Variants in DNAH10 observed in about 807,000 individuals in gnomAD.
DNAH10 encodes the protein dynein axonemal heavy chain 10.
DNAH10 carries 348 observed loss-of-function variants against 506.6 expected under a neutral mutation model. The observed-to-expected ratio is 0.69, with a 90% CI of 0.63 to 0.75. The LOEUF (loss-of-function observed/expected upper bound fraction) is 0.75. Among genes scored for constraint, DNAH10 ranks in the 30% least tolerant of loss-of-function variants. The probability of loss-of-function intolerance (pLI) is 0.00; values close to 1 mark genes in which losing one functional copy is unlikely to be tolerated. For synonymous variants in DNAH10, 2,059 were observed against 2,198.6 expected (o/e 0.94, Z 1.78); for missense variants, 5,179 against 5,787.1 (o/e 0.89, Z 3.41).
At chr12:123,823,018 A>T (rs1457098252) in intron 24 of DNAH10, among the ~76,000 whole-genome samples, 1 of 152,214 alleles carries the variant, frequency 6.6e-6, no homozygotes, top group East Asian at 1.9e-4. Flanking sequence ...TGAACAAATA[A>T]CCACGCCCCC....
At position 123,830,572 on chromosome 12, in the gene DNAH10, C is replaced by A. The variant is rs767067597; in HGVS notation, c.4418C>A (p.Thr1473Lys). ...CATTGGAAAGAACTTATGGAAAAAA[C>A]GTCTGTCTTTTTTGAAATGACCGAA... The part of the protein sequence containing the change: ...DRHWKELMEK[T>K]SVFFEMTETF... The change falls in exon 26 of 79, where the codon ACG becomes AAG. Residue 1473 changes from threonine (T) to lysine (K), a missense_variant. Thr to Lys is a moderately conservative substitution (Grantham distance 78). Transcript: ENST00000673944. 4.8e-5 allele frequency: 77 copies of A among 1,613,126 alleles called. No individual in the cohort carries two copies. Among genetic ancestry groups the A allele is most frequent in the Non-Finnish European group, 6.4e-5 (75 of 1,179,624 alleles).
Position 123,844,523 on chromosome 12 carries a change from A to C in DNAH10, c.5361-1077A>C, listed in dbSNP as rs183423138. Among the ~76,000 whole-genome samples, 516 of 152,318 alleles carry C rather than the reference A, an allele frequency of 3.4e-3. 4 individuals are homozygous for C. The highest frequency in any genetic ancestry group is 0.01 in the Middle Eastern group (3 of 294). ...ACGACTCAGCAGGATCTGTACATTA[A>C]GGGAGGATGAGATGTTTTGTTTCAC... On this transcript the variant is annotated intron_variant, in intron 30 of 78. Coordinates refer to ENST00000673944, the MANE Select transcript of DNAH10 (RefSeq NM_001372106.1).
chr12:123,916,341 G>A lies in DNAH10; in HGVS notation c.10723-116G>A, dbSNP rs1282957743. On this transcript the variant is annotated intron_variant, in intron 62 of 78. Coordinates refer to ENST00000673944, the MANE Select transcript of DNAH10 (RefSeq NM_001372106.1). The surrounding 1 kb of genome is among the most constrained non-coding windows in gnomAD (Gnocchi z 4.6). Reference sequence around the variant, plus strand: ...TTGCTTCTCTCTTCTTTTCACCTCTGGCCCCCTCCAAGTTCCTGGCCCATC... The same window carrying A: ...TTGCTTCTCTCTTCTTTTCACCTCTAGCCCCCTCCAAGTTCCTGGCCCATC... 7.5e-7 allele frequency: 1 copy of A among 1,334,110 alleles called. No individual in the cohort carries two copies. Among genetic ancestry groups the A allele is most frequent in the Non-Finnish European group, 1.0e-6 (1 of 973,954 alleles). 82.6% of individuals were successfully genotyped at this position (1,334,110 alleles called of 1,614,324 possible).
chr12:123,807,214 T>G (rs1196076315), intron 18 of DNAH10, among the ~76,000 whole-genome samples: 1 of 151,800 alleles, frequency 6.6e-6, no homozygotes, highest in East Asian at 1.9e-4. Flanking sequence ...CATCCATCCA[T>G]CCATCCATCC....
rs751234534 is a variant in DNAH10, at chr12:123,892,746, G to A, written c.8996-487G>A. Among the ~76,000 whole-genome samples, 6 of 152,206 alleles carry A rather than the reference G, an allele frequency of 3.9e-5. No homozygotes were observed. The South Asian group carries it at 6.2e-4, about 16-fold the overall frequency. On this transcript the variant is annotated intron_variant, in intron 52 of 78. Coordinates refer to ENST00000673944, the MANE Select transcript of DNAH10 (RefSeq NM_001372106.1). ...CACGTAGCCAGGGTTTCTCGACTGC[G>A]TGCCGTTGACATTTGGGGCTGGGCT...
chr12:123,882,307 A>T (rs988336793), intron 51 of DNAH10: 1 of 152,662 alleles, frequency 6.6e-6, no homozygotes, highest in African/African-American at 2.4e-5. Flanking sequence ...TGGGGCTGGC[A>T]ATTTGCTGGC....
intron 66 of DNAH10, 132 bp downstream of exon 66, chr12:123,923,999 C>A: frequency 1.3e-6 from 1 of 762,052 alleles, no homozygotes; most frequent in Non-Finnish European, 2.1e-6. Flanking sequence ...CTGCATTTTT[C>A]ACTATTCCAG....
intron 39 of DNAH10, among the ~76,000 whole-genome samples, chr12:123,863,910 T>C (rs961213605): frequency 3.9e-5 from 6 of 152,186 alleles, no homozygotes; most frequent in Admixed American, 1.3e-4. Context: ...TAGCAATTGA[T>C]ACTCAGCCTC....
At chr12:123,802,000 A>G (rs541374972) in intron 16 of DNAH10, among the ~76,000 whole-genome samples, 4 of 152,360 alleles carry the variant, frequency 2.6e-5, no homozygotes, top group African/African-American at 9.6e-5. Context: ...GAGATAACAC[A>G]TAGCCCTTTT....
chr12:123,779,604 G>GGGGA (rs1555214368), intron 5 of DNAH10, among the ~76,000 whole-genome samples: 3 of 149,594 alleles, frequency 2.0e-5, no homozygotes, highest in South Asian at 2.1e-4. Context: ...TGGGGGTGGG[G>GGGGA]GAGAGAGAGA....
intron 37 of DNAH10, among the ~76,000 whole-genome samples, chr12:123,857,463 C>G (rs1951441093): frequency 6.6e-6 from 1 of 152,244 alleles, no homozygotes; most frequent in Admixed American, 6.5e-5. Context: ...GGCACAGTGG[C>G]TTACGCCTGT....
chr12:123,774,668 T>G (rs1340481534), intron 5 of DNAH10, among the ~76,000 whole-genome samples: 5 of 152,260 alleles, frequency 3.3e-5, no homozygotes, highest in Non-Finnish European at 7.3e-5. Flanking sequence ...CAGGAGCATG[T>G]CCTTAAGGCA....
At chr12:123,876,828 T>C (rs1952275421) in intron 47 of DNAH10, among the ~76,000 whole-genome samples, 2 of 151,686 alleles carry the variant, frequency 1.3e-5, no homozygotes, top group Non-Finnish European at 2.9e-5. Context: ...CCAGGTATGA[T>C]GGTGTCCTGT....
chr12:123,841,696 T>C (rs974124748), intron 30 of DNAH10, among the ~76,000 whole-genome samples, 151 bp downstream of exon 30: 2 of 152,160 alleles, frequency 1.3e-5, no homozygotes, highest in Non-Finnish European at 2.9e-5. Flanking sequence ...TGTCTTTATT[T>C]TTATTTTTTT....
At chr12:123,895,910 C>T (rs533891644) in intron 54 of DNAH10, among the ~76,000 whole-genome samples, 4 of 151,884 alleles carry the variant, frequency 2.6e-5, no homozygotes, top group East Asian at 1.9e-4. Flanking sequence ...CCCAGGAGTT[C>T]GAGACCAGCC....
rs776262945 is a variant in DNAH10 at position 123,935,348 on chromosome 12, C to T, written c.13637C>T (p.Thr4546Ile). The T allele has an allele frequency of 6.2e-7, 1 of 1,605,022 alleles. No individual in the cohort carries two copies. Among genetic ancestry groups the T allele is most frequent in the Non-Finnish European group, 8.5e-7 (1 of 1,172,180 alleles). Residue 4546 changes from threonine (T) to isoleucine (I), a missense_variant, in exon 79 of 79, where the codon ACC (threonine) becomes ATC (isoleucine). Thr to Ile is a moderately conservative substitution (Grantham distance 89). Around this residue, in one of 3 missense-constraint regions of DNAH10, gnomAD observed 4,844 missense variants for 5,430.5 expected, o/e 0.89. Transcript: ENST00000673944. ...HRLKLQNTFR[T>I]PVYTTSMRRN... ...TTTCCCTTGCAGAATACTTTCCGGA[C>T]CCCCGTCTACACCACCTCCATGAGA...
chr12:123,914,839 C>G lies in DNAH10; in HGVS notation c.10575-13C>G, dbSNP rs151174738. On this transcript the variant is annotated splice_polypyrimidine_tract_variant and intron_variant, in intron 61 of 78. Transcript: ENST00000673944. Reference sequence around the variant, plus strand: ...GTGAGAAAAATTCATTTCCCAATGGCTGTTTCTTCCAGATGGGGATCCCAG... The same window carrying G: ...GTGAGAAAAATTCATTTCCCAATGGGTGTTTCTTCCAGATGGGGATCCCAG... 4.4e-3 allele frequency: 7,017 copies of G among 1,611,884 alleles called. 28 individuals carry two copies. Among genetic ancestry groups the G allele is most frequent in the Non-Finnish European group, 5.1e-3 (6,067 of 1,179,164 alleles).
intron 70 of DNAH10, 46 bp from the exon 71 acceptor site, chr12:123,929,229 G>T (rs1355006843): frequency 6.5e-7 from 1 of 1,541,488 alleles, no homozygotes; most frequent in Non-Finnish European, 8.8e-7. Flanking sequence ...TTCCAAGCTT[G>T]TGGGCCTGCG....
intron 36 of DNAH10, among the ~76,000 whole-genome samples, chr12:123,854,377 CGAA>C (rs1019770902): frequency 6.6e-6 from 1 of 152,108 alleles, no homozygotes; most frequent in Non-Finnish European, 1.5e-5. Flanking sequence ...TAAGGCTCTA[CGAA>C]GAAGAGTGAG....
Sources: allele counts gnomAD v4.1 joint callset (sites outside exome capture counted in the v4.1 genomes callset), GRCh38; gene constraint gnomAD v4.1.1; regional missense constraint gnomAD v4.1.1; non-coding constraint Gnocchi (gnomAD v3.1); transcripts MANE v1.5; gene names NCBI Gene and HGNC (gene_info 2026-07-23, HGNC 2026-07-21).